RFFL: variants seen among roughly 807,000 people sequenced by gnomAD.
The protein encoded by RFFL is E3 ubiquitin-protein ligase rififylin.
Under a neutral mutation model 40.4 loss-of-function variants are expected in RFFL, and 16 were observed. The ratio of observed to expected loss-of-function variants is 0.40; its 90% confidence interval spans 0.27 to 0.60. The LOEUF is 0.60. Among genes scored for constraint, RFFL ranks in the 20% least tolerant of loss-of-function variants. The probability of loss-of-function intolerance (pLI) is 0.47; values close to 1 mark genes in which losing one functional copy is unlikely to be tolerated. For missense variants in RFFL, 367 were observed against 451.7 expected (o/e 0.81, Z 1.70); for synonymous variants, 154 against 167.9 (o/e 0.92, Z 0.64).
intron 5 of RFFL, 144 bp downstream of exon 5, chr17:35,016,226 G>C (rs1476419907): frequency 7.1e-6 from 5 of 705,370 alleles, no homozygotes; most frequent in Non-Finnish European, 1.2e-5. Context: ...ACAAATGACA[G>C]CTATTATTAG....
chr17:35,037,555 A>G (rs1267896114), intron 1 of RFFL, among the ~76,000 whole-genome samples: 1 of 152,254 alleles, frequency 6.6e-6, no homozygotes, highest in Non-Finnish European at 1.5e-5. Context: ...TTTGCCAGGC[A>G]CTGAGATAGG....
At position 35,026,571 on chromosome 17, in the gene RFFL, G is replaced by C. The variant is rs2091042444; in HGVS notation, c.-8-10C>G. 1 of 1,608,964 alleles carries C rather than the reference G, an allele frequency of 6.2e-7. No individual in the cohort carries two copies. Among genetic ancestry groups the C allele is most frequent in the South Asian group, 1.1e-5 (1 of 90,350 alleles). The stretch of plus-strand genomic sequence containing the variant: ...GCCCACATGATAAAATCTGGTGCAA[G>C]GGAGGAAAGGGGAAAAGGTCAGAGT... On this transcript the variant is annotated splice_polypyrimidine_tract_variant and intron_variant, in intron 1 of 6. Coordinates refer to ENST00000394597, the MANE Select transcript of RFFL (RefSeq NM_001017368.2).
intron 1 of RFFL, 30 bp downstream of exon 1, chr17:35,063,546 A>G (rs2091306117): frequency 2.0e-5 from 3 of 151,476 alleles, no homozygotes; most frequent in Admixed American, 1.3e-4. Context: ...CATCTAGCTA[A>G]TGAAACTTAA....
At chr17:35,026,864 C>G (rs1458194807) in intron 1 of RFFL, among the ~76,000 whole-genome samples, 4 of 152,082 alleles carry the variant, frequency 2.6e-5, no homozygotes, top group Non-Finnish European at 4.4e-5. Context: ...CGCCATCACG[C>G]CCGGCTTTTT....
At chr17:35,061,641 T>TA (rs34604656) in intron 1 of RFFL, among the ~76,000 whole-genome samples, 4 of 151,168 alleles carry the variant, frequency 2.6e-5, no homozygotes, top group South Asian at 2.1e-4. Context: ...TTTTTTTTTT[T>TA]AAATACAGAC....
intron 1 of RFFL, among the ~76,000 whole-genome samples, chr17:35,084,868 C>T (rs541628096): frequency 1.2e-3 from 177 of 151,652 alleles, no homozygotes; most frequent in African/African-American, 3.9e-3. Context: ...TGCAGTGAAC[C>T]GAGATCCCGC....
At chr17:35,073,265 C>T (rs1482154989) in intron 1 of RFFL, among the ~76,000 whole-genome samples, 2 of 152,124 alleles carry the variant, frequency 1.3e-5, no homozygotes, top group Non-Finnish European at 2.9e-5. Flanking sequence ...TATCGAGCCT[C>T]ACCAAAGCCA....
intron 5 of RFFL, among the ~76,000 whole-genome samples, chr17:35,015,450 C>G (rs775501468): frequency 1.3e-5 from 2 of 152,256 alleles, no homozygotes; most frequent in Non-Finnish European, 2.9e-5. Flanking sequence ...GTCATCTGTT[C>G]TGTTCCCCAG....
chr17:35,052,420 G>A (rs116362831), intron 1 of RFFL, among the ~76,000 whole-genome samples: 1 of 152,296 alleles, frequency 6.6e-6, no homozygotes, highest in African/African-American at 2.4e-5. Context: ...ACAAAAGGAT[G>A]GAGAAAATCT....
chr17:35,067,693 G>T (rs2091327488), upstream of RFFL, among the ~76,000 whole-genome samples: 1 of 152,090 alleles, frequency 6.6e-6, no homozygotes, highest in Non-Finnish European at 1.5e-5. Flanking sequence ...GGCCTCAAGT[G>T]ATCCGCCCGT....
intron 2 of RFFL, among the ~76,000 whole-genome samples, chr17:35,025,029 G>A (rs923496361): frequency 2.6e-5 from 4 of 152,008 alleles, no homozygotes; most frequent in Non-Finnish European, 4.4e-5. Flanking sequence ...TTGTCACATC[G>A]TATGGTGTGC....
intron 1 of RFFL, among the ~76,000 whole-genome samples, chr17:35,040,864 TG>T (rs1241219241): frequency 8.0e-5 from 3 of 37,590 alleles, no homozygotes; most frequent in East Asian, 7.0e-4. Context: ...TTTTTTTTTT[TG>T]GTGTGTGTGT....
At chr17:35,054,581 A>G (rs2091249299) in intron 1 of RFFL, among the ~76,000 whole-genome samples, 2 of 150,618 alleles carry the variant, frequency 1.3e-5, no homozygotes, top group Non-Finnish European at 3.0e-5. Flanking sequence ...CCAGATTACT[A>G]TAGAAAAATC....
chr17:35,052,076 T>A (rs908255653), intron 1 of RFFL, among the ~76,000 whole-genome samples: 4 of 152,218 alleles, frequency 2.6e-5, no homozygotes, highest in Non-Finnish European at 5.9e-5. Flanking sequence ...TCTCTAATGT[T>A]TTCTCCAGCT....
chr17:35,050,278 C>A (rs1000329566), intron 1 of RFFL, among the ~76,000 whole-genome samples: 11 of 151,838 alleles, frequency 7.2e-5, no homozygotes, highest in African/African-American at 2.7e-4. Flanking sequence ...AGGTGGTGGC[C>A]AGGTGTGGTA....
chr17:35,012,189 G>A, intron 6 of RFFL, 40 bp from the exon 7 acceptor site: 2 of 1,586,750 alleles, frequency 1.3e-6, no homozygotes, highest in Non-Finnish European at 1.7e-6. Context: ...GGGCAGAGGA[G>A]TGAGGAGAAT....
rs374615141 is a variant in RFFL, at chr17:35,034,528, C to CT, written c.-8-7968dup. Among the ~76,000 whole-genome samples, 173 of 143,684 alleles carry CT rather than the reference C, an allele frequency of 1.2e-3. 1 individual carries two copies. Among genetic ancestry groups the CT allele is most frequent in the South Asian group, 7.5e-3 (34 of 4,512 alleles). The allele number at this position is 143,684 out of a possible 152,430, so 94.3% of individuals were successfully genotyped here. ...TTGTATATTGTTTAAATCCACGTTA[C>CT]TTTTTTTTTTTTTTCCTTGAGACAG... On this transcript the variant is annotated intron_variant, in intron 1 of 6. Transcript: ENST00000394597.
At chr17:35,085,654 C>T (rs1296773324) in intron 1 of RFFL, among the ~76,000 whole-genome samples, 1 of 152,204 alleles carries the variant, frequency 6.6e-6, no homozygotes, top group Non-Finnish European at 1.5e-5. Context: ...GTCTCTAACT[C>T]CTGATCTCAG....
chr17:35,040,324 G>A (rs1349920348), intron 1 of RFFL, among the ~76,000 whole-genome samples: 1 of 151,942 alleles, frequency 6.6e-6, no homozygotes, highest in Non-Finnish European at 1.5e-5. Context: ...TTTCTTGGCC[G>A]GGTGTGGTGG....
Sources: allele counts gnomAD v4.1 joint callset (sites outside exome capture counted in the v4.1 genomes callset), GRCh38; gene constraint gnomAD v4.1.1; transcripts MANE v1.5; gene names NCBI Gene and HGNC (gene_info 2026-07-23, HGNC 2026-07-21).